ZNF778: variants seen among roughly 807,000 people sequenced by gnomAD.
The protein encoded by ZNF778 is zinc finger protein 778.
ZNF778 carries 37 observed loss-of-function variants against 23.9 expected under a neutral mutation model. The ratio of observed to expected loss-of-function variants is 1.54; its 90% CI spans 1.19 to 2.03. The LOEUF is 2.03. Among genes scored for constraint, ZNF778 ranks in the 30% most tolerant of loss-of-function variants. The pLI is 0.00. For missense variants in ZNF778, 1,297 were observed against 934.4 expected (o/e 1.39, Z -5.06); for synonymous variants, 483 against 343.9 (o/e 1.40, Z -4.48).
rs184977643 is a variant in ZNF778, at chr16:89,226,555, T to C, written c.406-139T>C. The C allele has an allele frequency of 3.6e-5, 25 of 699,622 alleles. No homozygotes were observed. The Admixed American group carries it at 5.0e-4, about 14-fold the overall frequency. 43.3% of individuals were successfully genotyped at this position (699,622 alleles called of 1,614,324 possible). A position where few individuals can be genotyped will look rare whatever the true frequency, so the allele number is the denominator to read the frequency against. On this transcript the variant is annotated intron_variant, in intron 6 of 6. Transcript: ENST00000433976. The stretch of plus-strand genomic sequence containing the variant: ...GGCTCCTCATTTGACTTGAAAGACA[T>C]CTACAGGGCAGGAGCTGCTTGCATG...
rs1282034758 is a variant in ZNF778 at position 89,233,554 on chromosome 16, G to T, written c.*4992G>T. The T allele has an allele frequency of 7.8e-7, 1 of 1,283,882 alleles. No individual in the cohort carries two copies. The highest frequency in any genetic ancestry group is 1.0e-6 in the Non-Finnish European group (1 of 988,586). The allele number at this position is 1,283,882 out of a possible 1,614,324, so 79.5% of individuals were successfully genotyped here. A position where few individuals can be genotyped will look rare whatever the true frequency, so the allele number is the denominator to read the frequency against. On this transcript the variant is annotated 3_prime_UTR_variant, in exon 7 of 7. Coordinates refer to ENST00000433976, the MANE Select transcript of ZNF778 (RefSeq NM_001201407.2). ...CACTGCGTATGCAAATCAACTCACTGCATATGCAACTCAGCTCGCACTGCA... is the reference window on the plus strand; with the variant it reads ...CACTGCGTATGCAAATCAACTCACTTCATATGCAACTCAGCTCGCACTGCA...
rs901997692 is a variant in ZNF778, at chr16:89,236,991, T to G, written c.*8429T>G. The G allele has an allele frequency of 1.3e-5, 2 of 152,170 alleles. No individual in the cohort carries two copies. Among genetic ancestry groups the G allele is most frequent in the African/African-American group, 4.8e-5 (2 of 41,420 alleles). The allele number at this position is 152,170 out of a possible 1,614,324, so 9.4% of individuals were successfully genotyped here. A position where few individuals can be genotyped will look rare whatever the true frequency, so the allele number is the denominator to read the frequency against. Reference sequence around the variant, plus strand: ...AGGAGGCTGAGGCAGGAGAATCACTTGAACCCAGGAGGTGGAGGTTGCAGT... The same window carrying G: ...AGGAGGCTGAGGCAGGAGAATCACTGGAACCCAGGAGGTGGAGGTTGCAGT... On this transcript the variant is annotated 3_prime_UTR_variant, in exon 7 of 7. Transcript: ENST00000433976.
Position 89,226,978 on chromosome 16 carries a change from T to C in ZNF778, c.690T>C (p.Cys230=). The part of the protein sequence containing the change: ...TRDRSLDYSS[C]GEVFLNQSYL... ...ACAGATCTCTTGACTACAGCAGCTG[T>C]GGGGAAGTGTTCCTTAATCAGTCAT... The change falls in exon 7 of 7, where the codon TGT becomes TGC. Residue 230 remains cysteine, a synonymous_variant. Transcript: ENST00000433976. 4.3e-6 allele frequency: 7 copies of C among 1,613,962 alleles called. No individual in the cohort carries two copies. The highest frequency in any genetic ancestry group is 5.9e-6 in the Non-Finnish European group (7 of 1,179,860).
rs1321808356 is a variant in ZNF778 at position 89,221,067 on chromosome 16, G to C, written c.-61G>C. 1 of 1,547,164 alleles carries C rather than the reference G, an allele frequency of 6.5e-7. No individual in the cohort carries two copies. The highest frequency in any genetic ancestry group is 2.4e-5 in the East Asian group (1 of 41,128). On this transcript the variant is annotated 5_prime_UTR_variant, in exon 2 of 7. Coordinates refer to ENST00000433976, the MANE Select transcript of ZNF778 (RefSeq NM_001201407.2). Reference sequence around the variant, plus strand: ...TACCTTCCACATAGATTCACAAGCTGCCCTGCAGTGGCCTTGGCTTCAGGA... The same window carrying C: ...TACCTTCCACATAGATTCACAAGCTCCCCTGCAGTGGCCTTGGCTTCAGGA...
chr16:89,232,385 T>C lies in ZNF778; in HGVS notation c.*3823T>C, dbSNP rs2151640306. ...TGCTGAACCATGAGCCAAATAAGCC[T>C]CTTTCTAAGTTACCCACAGCCTCAG... On this transcript the variant is annotated 3_prime_UTR_variant, in exon 7 of 7. Transcript: ENST00000433976. 1 of 297,736 alleles carries C rather than the reference T, an allele frequency of 3.4e-6. No homozygotes were observed. The highest frequency in any genetic ancestry group is 6.5e-6 in the Non-Finnish European group (1 of 154,532). The allele number at this position is 297,736 out of a possible 1,614,324, so 18.4% of individuals were successfully genotyped here. A position where few individuals can be genotyped will look rare whatever the true frequency, so the allele number is the denominator to read the frequency against.
At position 89,228,234 on chromosome 16, in the gene ZNF778, A is replaced by C; in HGVS notation, c.1946A>C (p.Glu649Ala). 1 of 1,614,066 alleles carries C rather than the reference A, an allele frequency of 6.2e-7. No individual in the cohort carries two copies. The highest frequency in any genetic ancestry group is 1.1e-5 in the South Asian group (1 of 91,082). ...GGTGAGAAACCCTACATATGTAAGG[A>C]GTGTGGGAAAGCCTTTGCTTCCTCC... The part of the protein sequence containing the change: ...HTGEKPYICK[E>A]CGKAFASSSH... The change falls in exon 7 of 7, where the codon GAG (glutamate) becomes GCG (alanine). Residue 649 changes from glutamate to alanine, a missense_variant. Coordinates refer to ENST00000433976, the MANE Select transcript of ZNF778 (RefSeq NM_001201407.2).
rs1277729544 is a variant in ZNF778 at position 89,222,101 on chromosome 16, T to C, written c.35T>C (p.Val12Ala). 1.9e-6 allele frequency: 3 copies of C among 1,597,360 alleles called. No individual in the cohort carries two copies. Among genetic ancestry groups the C allele is most frequent in the Admixed American group, 3.4e-5 (2 of 58,236 alleles). The change falls in exon 3 of 7, where the codon GTT becomes GCT. Residue 12 changes from valine to alanine, a missense_variant. Coordinates refer to ENST00000433976, the MANE Select transcript of ZNF778 (RefSeq NM_001201407.2). ...AAPDLAHGGHVSRDSVCLHEE... is the reference protein window; with the variant it reads ...AAPDLAHGGHASRDSVCLHEE... ...CTTCTTTGTTTTTTAGGAGGTCATG[T>C]TTCTAGGGACTCAGTCTGCCTTCAT...
At chr16:89,219,136 G>A (rs1054743012) in intron 1 of ZNF778, among the ~76,000 whole-genome samples, 11 of 152,148 alleles carry the variant, frequency 7.2e-5, no homozygotes, top group Admixed American at 7.2e-4. Context: ...AAAATAAGAA[G>A]GAGGTCATCC....
chr16:89,219,277 C>A (rs895747212), intron 1 of ZNF778, among the ~76,000 whole-genome samples: 1 of 152,140 alleles, frequency 6.6e-6, no homozygotes, highest in African/African-American at 2.4e-5. Flanking sequence ...CTAGAACAAC[C>A]CCTGTGGTTT....
rs191555559 is a variant in ZNF778, at chr16:89,226,895, T to G, written c.607T>G (p.Cys203Gly). The change falls in exon 7 of 7, where the codon TGT becomes GGT. Residue 203 changes from cysteine to glycine, a missense_variant. Transcript: ENST00000433976. ...IGEQFSVLGQ[C>G]GKAFSSTPNV... is the part of the protein sequence containing the mutation. ...AGAGCAGTTTTCCGTGTTGGGTCAG[T>G]GTGGAAAAGCCTTCAGCTCTACTCC... The G allele has an allele frequency of 6.2e-7, 1 of 1,614,040 alleles. No homozygotes were observed. Among genetic ancestry groups the G allele is most frequent in the Non-Finnish European group, 8.5e-7 (1 of 1,179,902 alleles).
chr16:89,229,905 C>T lies in ZNF778; in HGVS notation c.*1343C>T, dbSNP rs1358847772. ...TGATCCTGTGTGAGCAGCGTAGGCTCTGGTTGGTTAGTGTTGAGGATCCAG... is the reference window on the plus strand; with the variant it reads ...TGATCCTGTGTGAGCAGCGTAGGCTTTGGTTGGTTAGTGTTGAGGATCCAG... On this transcript the variant is annotated 3_prime_UTR_variant, in exon 7 of 7. Transcript: ENST00000433976. 7 of 981,876 alleles carry T rather than the reference C, an allele frequency of 7.1e-6. No homozygotes were observed. The highest frequency in any genetic ancestry group is 7.2e-6 in the Non-Finnish European group (6 of 827,704). The allele number at this position is 981,876 out of a possible 1,614,324, so 60.8% of individuals were successfully genotyped here. A position where few individuals can be genotyped will look rare whatever the true frequency, so the allele number is the denominator to read the frequency against.
rs758347400 is a variant in ZNF778, at chr16:89,227,271, T to G, written c.983T>G (p.Val328Gly). Residue 328 changes from valine to glycine, a missense_variant, in exon 7 of 7, where the codon GTA (valine) becomes GGA (glycine). By Grantham distance (109) the Val-to-Gly change is moderately radical. Transcript: ENST00000433976. The part of the protein sequence containing the change: ...SPVSSSLTQH[V>G]RIHAAEKPCE... ...GTTTCTTCCAGCCTAACTCAACATG[T>G]AAGAATTCATGCTGCAGAGAAACCC... 1.4e-5 allele frequency: 23 copies of G among 1,613,826 alleles called. No homozygotes were observed. In the Admixed American group the frequency reaches 3.3e-4, roughly 23 times the overall value.
chr16:89,224,938 G>A (rs574753961), intron 5 of ZNF778, 136 bp downstream of exon 5: 23 of 588,510 alleles, frequency 3.9e-5, no homozygotes, highest in African/African-American at 2.2e-4. Flanking sequence ...CGAGTTTAGC[G>A]GCTGTGGAAG....
chr16:89,225,461 CTA>C, intron 5 of ZNF778, 92 bp from the exon 6 acceptor site: 1 of 1,047,006 alleles, frequency 9.6e-7, no homozygotes, highest in Non-Finnish European at 1.4e-6. Flanking sequence ...CTCCTTAAAT[CTA>C]TCTTTGCTTT....
intron 5 of ZNF778, 132 bp downstream of exon 5, chr16:89,224,934 T>C (rs2151633362): frequency 1.6e-6 from 1 of 630,620 alleles, no homozygotes; most frequent in South Asian, 1.6e-5. Flanking sequence ...GTGTCGAGTT[T>C]AGCGGCTGTG....
Position 89,224,803 on chromosome 16 carries a change from GTAAGTGTGAAGAGCACGC to G in ZNF778, c.328+2_328+19del. 7.2e-7 allele frequency: 1 copy of G among 1,391,650 alleles called. No homozygotes were observed. Among genetic ancestry groups the G allele is most frequent in the Non-Finnish European group, 9.3e-7 (1 of 1,076,902 alleles). The allele number at this position is 1,391,650 out of a possible 1,614,324, so 86.2% of individuals were successfully genotyped here. Reference sequence around the variant, plus strand: ...GCAGGGCGGAGAGCAGTTCTCCAAGGTAAGTGTGAAGAGCACGCCTGGTCGATGTCAAGTTTAGCAGCT... The same window carrying G: ...GCAGGGCGGAGAGCAGTTCTCCAAGGCTGGTCGATGTCAAGTTTAGCAGCT... On this transcript the variant is annotated splice_donor_variant and splice_donor_5th_base_variant and intron_variant, in intron 5 of 6. Transcript: ENST00000433976. LOFTEE classifies it high-confidence loss of function.
chr16:89,236,388 A>T lies in ZNF778; in HGVS notation c.*7826A>T, dbSNP rs1280249775. On this transcript the variant is annotated 3_prime_UTR_variant, in exon 7 of 7. Transcript: ENST00000433976. Reference sequence around the variant, plus strand: ...CTGAAATAAAAAGAAATGCCAACCCAGATTGCTATATCCAACAAAATATCC... The same window carrying T: ...CTGAAATAAAAAGAAATGCCAACCCTGATTGCTATATCCAACAAAATATCC... 1 of 152,218 alleles carries T rather than the reference A, an allele frequency of 6.6e-6. No individual in the cohort carries two copies. The highest frequency in any genetic ancestry group is 1.9e-4 in the East Asian group (1 of 5,194). 9.4% of individuals were successfully genotyped at this position (152,218 alleles called of 1,614,324 possible). A position where few individuals can be genotyped will look rare whatever the true frequency, so the allele number is the denominator to read the frequency against.
In ZNF778 at chr16:89,230,084, CT is replaced by C; in HGVS notation, c.*1524del. The C allele has an allele frequency of 1.1e-6, 1 of 948,734 alleles. No homozygotes were observed. The highest frequency in any genetic ancestry group is 1.3e-6 in the Non-Finnish European group (1 of 796,882). 58.8% of individuals were successfully genotyped at this position (948,734 alleles called of 1,614,324 possible). On this transcript the variant is annotated 3_prime_UTR_variant, in exon 7 of 7. Transcript: ENST00000433976. ...TAGGCTCTGGTTGGTTAGTCATGCT[CT>C]TAGGCATGACCCACCTGTAGGGTCC...
chr16:89,225,589 G>T lies in ZNF778; in HGVS notation c.363G>T (p.Arg121=). The T allele has an allele frequency of 6.2e-7, 1 of 1,612,806 alleles. No homozygotes were observed. Among genetic ancestry groups the T allele is most frequent in the Non-Finnish European group, 8.5e-7 (1 of 1,179,242 alleles). Residue 121 remains arginine, a synonymous_variant, in exon 6 of 7, where the codon CGG becomes CGT. Coordinates refer to ENST00000433976, the MANE Select transcript of ZNF778 (RefSeq NM_001201407.2). The part of the protein sequence containing the change: ...WRLKTKGPAL[R]QDRSWFRASN... ...TTAAAACCAAAGGGCCAGCACTTCG[G>T]CAGGATAGATCTTGGTTCAGAGCAT... is the stretch of plus-strand genomic sequence containing the variant.
Sources: allele counts gnomAD v4.1 joint callset (sites outside exome capture counted in the v4.1 genomes callset), GRCh38; gene constraint gnomAD v4.1.1; transcripts MANE v1.5; gene names NCBI Gene and HGNC (gene_info 2026-07-23, HGNC 2026-07-21).